C12orf56: variants seen among roughly 807,000 people sequenced by gnomAD.
C12orf56 encodes uncharacterized protein C12orf56.
C12orf56 carries 71 observed loss-of-function variants against 69.9 expected under a neutral mutation model. The ratio of observed to expected loss-of-function variants is 1.02; its 90% confidence interval spans 0.84 to 1.24. The LOEUF is 1.24. Ranked by LOEUF, C12orf56 falls within the 50% of genes most tolerant of loss-of-function variation. The pLI, the probability that C12orf56 is intolerant of heterozygous loss-of-function variation, is 0.00. For synonymous variants in C12orf56, 276 were observed against 274.1 expected (o/e 1.01, Z -0.07); for missense variants, 732 against 738.5 (o/e 0.99, Z 0.10).
intron 2 of C12orf56, among the ~76,000 whole-genome samples, chr12:64,337,115 G>C (rs1429525690): frequency 1.3e-5 from 2 of 152,076 alleles, no homozygotes; most frequent in Admixed American, 1.3e-4. Flanking sequence ...CAATTACAGG[G>C]ACAGATACCT....
chr12:64,381,358 C>T (rs553130156), intron 1 of C12orf56, among the ~76,000 whole-genome samples: 1 of 152,272 alleles, frequency 6.6e-6, no homozygotes, highest in South Asian at 2.1e-4. Context: ...TCTCCTGGAG[C>T]AATTTGAGGA....
intron 1 of C12orf56, among the ~76,000 whole-genome samples, chr12:64,366,953 T>C (rs182386672): frequency 0.11 from 11,408 of 108,566 alleles, 1,063 homozygotes; most frequent in East Asian, 0.32. Context: ...ACACTTTATA[T>C]ATTATATATA....
chr12:64,327,699 AGCATTTTAAAGGGGTCTCAATGC>A (rs1293728020), intron 3 of C12orf56, among the ~76,000 whole-genome samples: 1 of 152,248 alleles, frequency 6.6e-6, no homozygotes, highest in Non-Finnish European at 1.5e-5. Context: ...CTCCAATGCC[AGCATTTTAAAGGGGTCTCAATGC>A]GCATTTTAAG....
chr12:64,390,520 G>C lies in C12orf56; in HGVS notation c.46C>G (p.Arg16Gly). 6.3e-7 allele frequency: 1 copy of C among 1,598,076 alleles called. No homozygotes were observed. Among genetic ancestry groups the C allele is most frequent in the South Asian group, 1.1e-5 (1 of 91,008 alleles). The part of the protein sequence containing the change: ...PSGFPARRNS[R>G]LDVFLRRHLP... ...TGCCGCCGCAGGAACACATCCAGGC[G>C]GCTGTTCCTGCGCGCGGGGAAGCCG... The change falls in exon 1 of 13, where the codon CGC becomes GGC. Residue 16 changes from arginine to glycine, a missense_variant. Physicochemically the swap from Arg to Gly is moderately radical, Grantham distance 125 (BLOSUM62 -2). Coordinates refer to ENST00000543942, the MANE Select transcript of C12orf56 (RefSeq NM_001170633.2).
At chr12:64,375,550 C>T (rs1251291978) in intron 1 of C12orf56, among the ~76,000 whole-genome samples, 2 of 152,114 alleles carry the variant, frequency 1.3e-5, no homozygotes, top group Non-Finnish European at 2.9e-5. Flanking sequence ...AGAAGTTCTG[C>T]AAAGGAGACC....
intron 5 of C12orf56, among the ~76,000 whole-genome samples, chr12:64,307,557 C>G (rs1298583562): frequency 6.6e-6 from 1 of 151,812 alleles, no homozygotes; most frequent in African/African-American, 2.4e-5. Context: ...TTTGTAGAGA[C>G]AGGGTTTCAC....
At chr12:64,362,129 C>T (rs180799754) in intron 1 of C12orf56, among the ~76,000 whole-genome samples, 222 of 152,232 alleles carry the variant, frequency 1.5e-3, no homozygotes, top group African/African-American at 4.9e-3. Flanking sequence ...GGGTCTGGAT[C>T]GGGACCCCTT....
chr12:64,347,400 C>T (rs1373638679), intron 2 of C12orf56, among the ~76,000 whole-genome samples: 1 of 151,536 alleles, frequency 6.6e-6, no homozygotes, highest in Non-Finnish European at 1.5e-5. Flanking sequence ...ATTCTCCTAC[C>T]TCAGTCTCCT....
At chr12:64,297,540 C>T (rs1019102111) in intron 6 of C12orf56, among the ~76,000 whole-genome samples, 3 of 152,272 alleles carry the variant, frequency 2.0e-5, no homozygotes, top group East Asian at 1.9e-4. Context: ...CCTATTCCCC[C>T]GTCCGCCGAC....
chr12:64,269,532 A>G (rs1039208353), intron 12 of C12orf56, among the ~76,000 whole-genome samples: 7 of 152,152 alleles, frequency 4.6e-5, no homozygotes, highest in Admixed American at 3.9e-4. Flanking sequence ...GCTTCTGTCC[A>G]ATAACTCAAT....
At chr12:64,298,070 T>A (rs2038391743) in intron 6 of C12orf56, among the ~76,000 whole-genome samples, 1 of 152,210 alleles carries the variant, frequency 6.6e-6, no homozygotes, top group Admixed American at 6.5e-5. Context: ...TTTTTAATGA[T>A]CACCATTCTA....
chr12:64,379,611 T>G (rs1483211072), intron 1 of C12orf56, among the ~76,000 whole-genome samples: 3 of 151,910 alleles, frequency 2.0e-5, no homozygotes, highest in African/African-American at 7.2e-5. Flanking sequence ...TACTATTCTA[T>G]TCAAACAAAT....
intron 3 of C12orf56, among the ~76,000 whole-genome samples, chr12:64,325,992 A>G (rs1324862060): frequency 6.6e-6 from 1 of 152,138 alleles, no homozygotes; most frequent in African/African-American, 2.4e-5. Context: ...AAATTCTACT[A>G]GTTTTTTTCT....
At chr12:64,339,484 G>C (rs1313716066) in intron 2 of C12orf56, among the ~76,000 whole-genome samples, 1 of 152,156 alleles carries the variant, frequency 6.6e-6, no homozygotes. Flanking sequence ...GTGCACCACT[G>C]TCCCAAGAAC....
intron 8 of C12orf56, 39 bp downstream of exon 8, chr12:64,284,625 T>G (rs2136765526): frequency 6.9e-7 from 1 of 1,443,462 alleles, no homozygotes; most frequent in Non-Finnish European, 9.5e-7. Flanking sequence ...GTTAATGGGT[T>G]GCAACTACAA....
chr12:64,347,850 A>T (rs1592474964), intron 2 of C12orf56, among the ~76,000 whole-genome samples: 2 of 152,230 alleles, frequency 1.3e-5, no homozygotes, highest in Admixed American at 6.5e-5. Flanking sequence ...CAAAATATAA[A>T]TTTTTGCCTA....
intron 1 of C12orf56, among the ~76,000 whole-genome samples, chr12:64,378,879 C>G (rs1014331046): frequency 1.3e-5 from 2 of 151,880 alleles, no homozygotes; most frequent in Admixed American, 6.6e-5. Flanking sequence ...AGTGAAATCC[C>G]GTCTCAGTTA....
chr12:64,296,867 AC>A (rs1349234640), intron 6 of C12orf56, among the ~76,000 whole-genome samples: 2 of 43,746 alleles, frequency 4.6e-5, no homozygotes, highest in Admixed American at 4.5e-4. Context: ...GCCCCCTTCC[AC>A]CCTTTTTTTT....
In C12orf56 at chr12:64,304,822, T is replaced by G. The variant is rs576656945; in HGVS notation, c.969-1043A>C. On this transcript the variant is annotated intron_variant, in intron 5 of 12. Coordinates refer to ENST00000543942, the MANE Select transcript of C12orf56 (RefSeq NM_001170633.2). ...TACTAACGCATTTTACAGGAAGTTGTGGGGGGGTTTAAGTAACCTGTCCAA... is the reference window on the plus strand; with the variant it reads ...TACTAACGCATTTTACAGGAAGTTGGGGGGGGGTTTAAGTAACCTGTCCAA... 2.0e-5 allele frequency among the ~76,000 whole-genome samples: 3 copies of G among 152,202 alleles called. No homozygotes were observed. The East Asian group carries it at 5.8e-4, about 29-fold the overall frequency.
Sources: gnomAD v4.1 joint callset for allele counts (sites outside exome capture counted in the v4.1 genomes callset) on GRCh38, gnomAD v4.1.1 for gene constraint, MANE v1.5 for transcripts, NCBI Gene and HGNC (gene_info 2026-07-23, HGNC 2026-07-21) for gene names.